The following UNKL variants were observed in gnomAD, a reference collection of about 807,000 sequenced individuals.
The protein encoded by UNKL is unk like zinc finger, also known as putative E3 ubiquitin-protein ligase UNKL.
Under a neutral mutation model 78.0 loss-of-function variants are expected in UNKL, and 60 were observed. That is an observed-to-expected ratio of 0.77 (90% confidence interval 0.63 to 0.95). UNKL has a LOEUF of 0.95. Ranked by LOEUF, UNKL falls within the 40% of genes least tolerant of loss-of-function variation. The probability of loss-of-function intolerance (pLI) is 0.00; values close to 1 mark genes in which losing one functional copy is unlikely to be tolerated. For missense variants in UNKL, 1,159 were observed against 1,045.7 expected, an observed-to-expected ratio of 1.11 and a Z score of -1.49; for synonymous variants, 608 against 474.8, an observed-to-expected ratio of 1.28 and a Z score of -3.65.
In UNKL at chr16:1,367,127, T is replaced by C; in HGVS notation, c.2011A>G (p.Ser671Gly). The C allele has an allele frequency of 1.3e-6, 2 of 1,592,382 alleles. No homozygotes were observed. Among genetic ancestry groups the C allele is most frequent in the Non-Finnish European group, 1.7e-6 (2 of 1,172,554 alleles). ...IPLPKLHSLQ[S>G]QLRLDLEAVD... Reference sequence around the variant, plus strand: ...GCCTCCAGGTCCAGGCGCAGCTGACTCTGCAGCGAGTGCAGCTTCGGCAGG... The same window carrying C: ...GCCTCCAGGTCCAGGCGCAGCTGACCCTGCAGCGAGTGCAGCTTCGGCAGG... The change falls in exon 14 of 15, where the codon AGT becomes GGT. Residue 671 changes from serine to glycine, a missense_variant. Transcript: ENST00000389221.
intron 9 of UNKL, among the ~76,000 whole-genome samples, chr16:1,389,311 C>T (rs972807378): frequency 1.2e-4 from 19 of 152,256 alleles, no homozygotes; most frequent in African/African-American, 4.1e-4. Context: ...TTACTCCAGG[C>T]GTGGAGGCTC....
chr16:1,412,140 A>C (rs1445018910), intron 2 of UNKL: 1 of 152,230 alleles, frequency 6.6e-6, no homozygotes, highest in Non-Finnish European at 1.5e-5. Flanking sequence ...ACAGGAAGCA[A>C]GTAGAACCTG....
intron 10 of UNKL, among the ~76,000 whole-genome samples, chr16:1,372,854 A>G (rs1476489994): frequency 7.0e-6 from 1 of 141,942 alleles, no homozygotes; most frequent in African/African-American, 2.6e-5. Context: ...GCCGGCCTAC[A>G]CTGCACAGAG....
Position 1,363,646 on chromosome 16 carries a change from G to A in UNKL, c.*2594C>T, listed in dbSNP as rs1453352877. 1.1e-5 allele frequency: 2 copies of A among 188,902 alleles called. No individual in the cohort carries two copies. The highest frequency in any genetic ancestry group is 2.2e-5 in the Non-Finnish European group (2 of 89,664). 11.7% of individuals were successfully genotyped at this position (188,902 alleles called of 1,614,324 possible). A position where few individuals can be genotyped will look rare whatever the true frequency, so the allele number is the denominator to read the frequency against. Reference sequence around the variant, plus strand: ...GCGCCTCCACCTCAGCCTCCACGGGGCACCTTCCAGCCACTGCTGTGCCTC... The same window carrying A: ...GCGCCTCCACCTCAGCCTCCACGGGACACCTTCCAGCCACTGCTGTGCCTC... On this transcript the variant is annotated 3_prime_UTR_variant, in exon 15 of 15. Coordinates refer to ENST00000389221, the MANE Select transcript of UNKL (RefSeq NM_001372107.1).
At chr16:1,392,331 G>A (rs576201928) in intron 8 of UNKL, among the ~76,000 whole-genome samples, 6 of 152,290 alleles carry the variant, frequency 3.9e-5, no homozygotes, top group Non-Finnish European at 8.8e-5. Context: ...ACCAGGAGGA[G>A]AGACTGCAGA....
chr16:1,392,975 C>G lies in UNKL; in HGVS notation c.939G>C (p.Lys313Asn). Reference sequence around the variant, plus strand: ...CCCATTCATTCACCATCCCCAGGCTCTCTGCAAGGACAGGGGAGCAGCAGA... The same window carrying G: ...CCCATTCATTCACCATCCCCAGGCTGTCTGCAAGGACAGGGGAGCAGCAGA... ...GPFCAFAHVE[K>N]SLGMVNEWGC... is the part of the protein sequence containing the mutation. The change falls in exon 8 of 15, where the codon AAG becomes AAC. Residue 313 changes from lysine (K) to asparagine (N), a missense_variant and splice_region_variant. Transcript: ENST00000389221. 1.3e-6 allele frequency: 2 copies of G among 1,550,526 alleles called. No individual in the cohort carries two copies. The highest frequency in any genetic ancestry group is 1.7e-6 in the Non-Finnish European group (2 of 1,146,984).
chr16:1,370,431 C>T (rs951303277), intron 11 of UNKL, 74 bp from the exon 12 acceptor site: 7 of 1,433,464 alleles, frequency 4.9e-6, no homozygotes, highest in South Asian at 2.6e-5. Flanking sequence ...GGGCGGCAGC[C>T]GTGGAAGACG....
At chr16:1,380,063 G>A (rs1193788886) in intron 10 of UNKL, among the ~76,000 whole-genome samples, 1 of 152,226 alleles carries the variant, frequency 6.6e-6, no homozygotes, top group Admixed American at 6.5e-5. Context: ...CCAAGTCCGC[G>A]TGCCTGCCCA....
At chr16:1,391,239 TACACACACACACACACACACAC>T (rs142620901) in intron 8 of UNKL, among the ~76,000 whole-genome samples, 4 of 10,360 alleles carry the variant, frequency 3.9e-4, no homozygotes, top group African/African-American at 1.2e-3. Flanking sequence ...CCCTTAAAGA[TACACACACACACACACACACAC>T]ACACACACAC....
intron 7 of UNKL, among the ~76,000 whole-genome samples, chr16:1,393,698 C>T (rs2037143584): frequency 6.6e-6 from 1 of 151,670 alleles, no homozygotes. Flanking sequence ...GCGGACAGAC[C>T]CCCTCTCTCC....
intron 8 of UNKL, among the ~76,000 whole-genome samples, chr16:1,391,382 G>A (rs980148369): frequency 1.3e-5 from 2 of 152,102 alleles, no homozygotes; most frequent in African/African-American, 4.8e-5. Context: ...GCAGTGGCAT[G>A]ACCTCCCTGG....
intron 12 of UNKL, chr16:1,368,059 A>T (rs937194651): frequency 5.2e-5 from 28 of 537,286 alleles, no homozygotes; most frequent in African/African-American, 1.2e-4. Context: ...TGACAGTGAC[A>T]CCTGCCCCGG....
chr16:1,394,371 C>T (rs1332780965), intron 6 of UNKL, 156 bp from the exon 7 acceptor site: 3 of 861,176 alleles, frequency 3.5e-6, no homozygotes, highest in African/African-American at 1.7e-5. Context: ...CCACGTGTGC[C>T]CTTGGTCCCC....
At chr16:1,396,499 C>T (rs1029251538) in intron 6 of UNKL, among the ~76,000 whole-genome samples, 3 of 151,208 alleles carry the variant, frequency 2.0e-5, no homozygotes, top group Non-Finnish European at 4.4e-5. Flanking sequence ...TGGTTTCGAA[C>T]CCCTGACCTC....
At chr16:1,390,067 A>G (rs1026397057) in intron 9 of UNKL, among the ~76,000 whole-genome samples, 2 of 152,078 alleles carry the variant, frequency 1.3e-5, no homozygotes, top group African/African-American at 2.4e-5. Context: ...GCTCACTGCA[A>G]TCTCCACCTC....
chr16:1,393,397 C>T (rs1194088128), intron 7 of UNKL, among the ~76,000 whole-genome samples: 1 of 151,610 alleles, frequency 6.6e-6, no homozygotes, highest in Non-Finnish European at 1.5e-5. Flanking sequence ...CGCATGGGTT[C>T]CCACTGAGTC....
chr16:1,363,699 A>C lies in UNKL; in HGVS notation c.*2541T>G. 5.9e-6 allele frequency: 1 copy of C among 168,716 alleles called. No individual in the cohort carries two copies. The highest frequency in any genetic ancestry group is 1.3e-5 in the Non-Finnish European group (1 of 77,478). 10.5% of individuals were successfully genotyped at this position (168,716 alleles called of 1,614,324 possible). On this transcript the variant is annotated 3_prime_UTR_variant, in exon 15 of 15. Transcript: ENST00000389221. Reference sequence around the variant, plus strand: ...CCACCTAGGAGCCATCCCTGAGGCCATGGCCACCAAGACAGGTGAGGGAGG... The same window carrying C: ...CCACCTAGGAGCCATCCCTGAGGCCCTGGCCACCAAGACAGGTGAGGGAGG...
Position 1,403,432 on chromosome 16 carries a change from G to C in UNKL, c.288-88C>G, listed in dbSNP as rs1596758118. Reference sequence around the variant, plus strand: ...CTGGGTCCACGCCCTGTCAGCACGTGGCAAGCAGTGAATTCCCTTCCCTTC... The same window carrying C: ...CTGGGTCCACGCCCTGTCAGCACGTCGCAAGCAGTGAATTCCCTTCCCTTC... On this transcript the variant is annotated intron_variant, in intron 2 of 14. Coordinates refer to ENST00000389221, the MANE Select transcript of UNKL (RefSeq NM_001372107.1). This position sits in a 1 kb window ranked among gnomAD's most constrained non-coding sequence, Gnocchi z 4.8. 1 of 1,441,548 alleles carries C rather than the reference G, an allele frequency of 6.9e-7. No homozygotes were observed. The highest frequency in any genetic ancestry group is 2.4e-5 in the East Asian group (1 of 41,970). 89.3% of individuals were successfully genotyped at this position (1,441,548 alleles called of 1,614,324 possible).
At chr16:1,401,911 T>C (rs2037544215) in intron 3 of UNKL, among the ~76,000 whole-genome samples, 2 of 152,186 alleles carry the variant, frequency 1.3e-5, no homozygotes, top group African/African-American at 4.8e-5. Flanking sequence ...TGCTTTGTCT[T>C]GTTTGAGACA....
Sources: gnomAD v4.1 joint callset for allele counts (sites outside exome capture counted in the v4.1 genomes callset) on GRCh38, gnomAD v4.1.1 for gene constraint, Gnocchi (gnomAD v3.1) non-coding constraint, MANE v1.5 for transcripts, NCBI Gene and HGNC (gene_info 2026-07-23, HGNC 2026-07-21) for gene names.